Variants in DIS3L2 observed in about 807,000 individuals in gnomAD.
The protein encoded by DIS3L2 is DIS3 like 3'-5' exoribonuclease 2.
Under a neutral mutation model 97.5 loss-of-function variants are expected in DIS3L2, and 34 were observed. The observed-to-expected ratio is 0.35, with a 90% CI of 0.27 to 0.46. DIS3L2 has a LOEUF of 0.46. DIS3L2 is among the 20% of genes least tolerant of loss of function. The probability of loss-of-function intolerance (pLI) is 1.00; values close to 1 mark genes in which losing one functional copy is unlikely to be tolerated. For missense variants in DIS3L2, 1,038 were observed against 1,146.0 expected (o/e 0.91, Z 1.36); for synonymous variants, 435 against 445.2 (o/e 0.98, Z 0.29).
Position 232,238,641 on chromosome 2 carries a change from A to C in DIS3L2, c.1313A>C (p.Gln438Pro). 1 of 1,611,958 alleles carries C rather than the reference A, an allele frequency of 6.2e-7. No individual in the cohort carries two copies. Among genetic ancestry groups the C allele is most frequent in the Non-Finnish European group, 8.5e-7 (1 of 1,179,248 alleles). ...AERATSVYLV[Q>P]KVVPMLPRLL... ...AGGGCTACAAGCGTCTACTTGGTTCAAAAGGTAAAAATCCATCTCTAGTTT... is the reference window on the plus strand; with the variant it reads ...AGGGCTACAAGCGTCTACTTGGTTCCAAAGGTAAAAATCCATCTCTAGTTT... Residue 438 changes from glutamine to proline, a missense_variant, in exon 11 of 21, where the codon CAA becomes CCA. Gln to Pro is a moderately conservative substitution (Grantham distance 76, BLOSUM62 -1). Coordinates refer to ENST00000325385, the MANE Select transcript of DIS3L2 (RefSeq NM_152383.5).
intron 6 of DIS3L2, among the ~76,000 whole-genome samples, chr2:232,122,912 G>A (rs1248554146): frequency 6.6e-6 from 1 of 152,176 alleles, no homozygotes; most frequent in African/African-American, 2.4e-5. Flanking sequence ...GAGCCACATA[G>A]CTCAAGCTCA....
intron 1 of DIS3L2, among the ~76,000 whole-genome samples, chr2:231,979,565 C>T (rs1052578116): frequency 2.6e-5 from 4 of 151,808 alleles, no homozygotes; most frequent in East Asian, 1.9e-4. Context: ...TATTTAGGGA[C>T]GGAGTCAGGT....
intron 13 of DIS3L2, among the ~76,000 whole-genome samples, chr2:232,284,010 A>T (rs1694364211): frequency 6.6e-6 from 1 of 152,134 alleles, no homozygotes; most frequent in African/African-American, 2.4e-5. Context: ...ACCTTTCTAT[A>T]CTACCTTTGC....
chr2:232,137,374 G>A lies in DIS3L2; in HGVS notation c.950+655G>A, dbSNP rs547152420. Among the ~76,000 whole-genome samples the A allele has an allele frequency of 7.4e-4, 112 of 152,176 alleles. 1 individual carries two copies. Among genetic ancestry groups the A allele is most frequent in the African/African-American group, 2.5e-3 (104 of 41,544 alleles). On this transcript the variant is annotated intron_variant, in intron 8 of 20. Coordinates refer to ENST00000325385, the MANE Select transcript of DIS3L2 (RefSeq NM_152383.5). ...CTATGCCTATTTTCTTCTTAGAACT[G>A]GTATTCATATTGAAAGAAAAGCAGT...
chr2:231,979,615 A>G (rs943861457), intron 1 of DIS3L2, among the ~76,000 whole-genome samples: 12 of 151,340 alleles, frequency 7.9e-5, no homozygotes, highest in African/African-American at 2.4e-4. Flanking sequence ...GACTTGCCCT[A>G]TTGCCAGGCT....
At chr2:232,302,831 A>T (rs1694894927) in intron 14 of DIS3L2, among the ~76,000 whole-genome samples, 2 of 152,052 alleles carry the variant, frequency 1.3e-5, no homozygotes, top group African/African-American at 4.8e-5. Flanking sequence ...AAGTGCTGGG[A>T]TTATAGTCGT....
chr2:232,331,487 C>T (rs930088192), intron 16 of DIS3L2, among the ~76,000 whole-genome samples: 19 of 152,226 alleles, frequency 1.2e-4, no homozygotes, highest in Admixed American at 5.9e-4. Flanking sequence ...TTCAGCTGAC[C>T]TCAGTGGATT....
chr2:232,051,347 G>T (rs1035592580), intron 5 of DIS3L2, among the ~76,000 whole-genome samples: 19 of 152,226 alleles, frequency 1.2e-4, no homozygotes, highest in Admixed American at 4.6e-4. Flanking sequence ...CTGTTAACTG[G>T]CATACAGTAG....
At position 231,966,116 on chromosome 2, in the gene DIS3L2, A is replaced by G. The variant is rs550493391; in HGVS notation, c.-94+4351A>G. Among the ~76,000 whole-genome samples, 128 of 151,786 alleles carry G rather than the reference A, an allele frequency of 8.4e-4. 2 individuals are homozygous for G. The highest frequency in any genetic ancestry group is 1.9e-4 in the Non-Finnish European group (13 of 67,982). ...ATCCCTCTGAGGTCTGGCCATCGAT[A>G]CCATTTTTGCTGATGTCAGGGAGTG... On this transcript the variant is annotated intron_variant, in intron 1 of 20. Transcript: ENST00000325385.
chr2:232,048,334 C>G (rs1695299719), intron 5 of DIS3L2, among the ~76,000 whole-genome samples: 1 of 152,164 alleles, frequency 6.6e-6, no homozygotes, highest in African/African-American at 2.4e-5. Context: ...TGGAGCCCCT[C>G]TATCTCCTAG....
chr2:232,040,836 A>AT (rs1273521935), intron 5 of DIS3L2, among the ~76,000 whole-genome samples: 1 of 152,170 alleles, frequency 6.6e-6, no homozygotes, highest in Non-Finnish European at 1.5e-5. Context: ...TCAGATTTAC[A>AT]TCTCCTGGCT....
chr2:232,035,249 G>A (rs1014464977), intron 5 of DIS3L2, among the ~76,000 whole-genome samples: 2 of 152,190 alleles, frequency 1.3e-5, no homozygotes, highest in Non-Finnish European at 2.9e-5. Flanking sequence ...TTGCCATTAT[G>A]TAATGCCCTT....
chr2:232,224,404 T>C (rs1692585089), intron 10 of DIS3L2, among the ~76,000 whole-genome samples: 1 of 152,174 alleles, frequency 6.6e-6, no homozygotes, highest in South Asian at 2.1e-4. Flanking sequence ...CTTCTAAAGA[T>C]AACATAAGAA....
In DIS3L2 at chr2:232,336,656, G is replaced by A; in HGVS notation, c.*26G>A. 1 of 1,539,614 alleles carries A rather than the reference G, an allele frequency of 6.5e-7. No individual in the cohort carries two copies. Among genetic ancestry groups the A allele is most frequent in the Non-Finnish European group, 8.7e-7 (1 of 1,146,520 alleles). On this transcript the variant is annotated 3_prime_UTR_variant, in exon 21 of 21. Transcript: ENST00000325385. ...GCTCCACCAGCCGCCTGCCCCGCCT[G>A]CCCCGCCTGCCTGTCCCGCCACACT...
At chr2:232,062,995 T>C (rs1197423094) in intron 5 of DIS3L2, among the ~76,000 whole-genome samples, 1 of 152,178 alleles carries the variant, frequency 6.6e-6, no homozygotes, top group Non-Finnish European at 1.5e-5. Context: ...ACCTGGCTCT[T>C]ACTGTTCACA....
chr2:232,286,314 A>G (rs1316702428), intron 13 of DIS3L2, among the ~76,000 whole-genome samples: 1 of 152,216 alleles, frequency 6.6e-6, no homozygotes, highest in Non-Finnish European at 1.5e-5. Flanking sequence ...CAGCACAGCC[A>G]CAGGAGAGCA....
In DIS3L2 at chr2:232,119,667, G is replaced by A. The variant is rs1232635948; in HGVS notation, c.602-10952G>A. 2.0e-5 allele frequency among the ~76,000 whole-genome samples: 3 copies of A among 152,204 alleles called. No individual in the cohort carries two copies. The East Asian group carries it at 5.8e-4, about 29-fold the overall frequency. Reference sequence around the variant, plus strand: ...AGTGCTCAGGGAAAAGCAGAAGAGTGTTGAAGATGTAATTAATACAGTTAA... The same window carrying A: ...AGTGCTCAGGGAAAAGCAGAAGAGTATTGAAGATGTAATTAATACAGTTAA... On this transcript the variant is annotated intron_variant, in intron 6 of 20. Coordinates refer to ENST00000325385, the MANE Select transcript of DIS3L2 (RefSeq NM_152383.5).
intron 13 of DIS3L2, chr2:232,343,090 G>A (rs1031319035): frequency 4.5e-6 from 2 of 446,634 alleles, no homozygotes; most frequent in South Asian, 2.8e-5. Context: ...CATGTTCCCC[G>A]GCACTGCCGC....
At chr2:232,225,192 A>C (rs1333582035) in intron 10 of DIS3L2, among the ~76,000 whole-genome samples, 1 of 152,206 alleles carries the variant, frequency 6.6e-6, no homozygotes, top group African/African-American at 2.4e-5. Flanking sequence ...TACAATATGT[A>C]ATAAAGCTGG....
Sources: allele counts gnomAD v4.1 joint callset (sites outside exome capture counted in the v4.1 genomes callset), GRCh38; gene constraint gnomAD v4.1.1; transcripts MANE v1.5; gene names NCBI Gene and HGNC (gene_info 2026-07-23, HGNC 2026-07-21).